Variants in CORIN observed in about 807,000 individuals in gnomAD.
The protein encoded by CORIN is atrial natriuretic peptide-converting enzyme.
In CORIN, 117 loss-of-function variants were observed where a neutral mutation model predicts 125.3. The observed-to-expected ratio is 0.93, with a 90% CI of 0.80 to 1.09. CORIN has a LOEUF of 1.09. CORIN is among the 50% of genes least tolerant of loss of function. CORIN has a pLI of 0.00. For synonymous variants in CORIN, 450 were observed against 466.4 expected, an observed-to-expected ratio of 0.96 and a Z score of 0.45; for missense variants, 1,253 against 1,306.7, an observed-to-expected ratio of 0.96 and a Z score of 0.63.
intron 5 of CORIN, among the ~76,000 whole-genome samples, chr4:47,734,288 T>C (rs1040302357): frequency 6.6e-6 from 1 of 152,214 alleles, no homozygotes; most frequent in African/African-American, 2.4e-5. Context: ...GGGCAAATGA[T>C]TTCACAAGTT....
intron 5 of CORIN, among the ~76,000 whole-genome samples, chr4:47,701,119 A>G (rs1250886726): frequency 6.6e-6 from 1 of 152,218 alleles, no homozygotes; most frequent in African/African-American, 2.4e-5. Context: ...CTTAACATCA[A>G]TATTCTAAAA....
chr4:47,606,389 G>A (rs1433297041), intron 19 of CORIN, among the ~76,000 whole-genome samples: 4 of 152,054 alleles, frequency 2.6e-5, no homozygotes, highest in Non-Finnish European at 5.9e-5. Context: ...CCAAGTAGCT[G>A]AGACTACAGA....
At chr4:47,608,308 A>G (rs1327734908) in intron 19 of CORIN, among the ~76,000 whole-genome samples, 1 of 152,210 alleles carries the variant, frequency 6.6e-6, no homozygotes, top group African/African-American at 2.4e-5. Context: ...TGACAAGAGC[A>G]AAACTCCATC....
chr4:47,778,504 T>A (rs1455776163), intron 3 of CORIN, among the ~76,000 whole-genome samples: 1 of 152,018 alleles, frequency 6.6e-6, no homozygotes, highest in Non-Finnish European at 1.5e-5. Flanking sequence ...CATCTAAAGA[T>A]GGAATGAGGA....
intron 19 of CORIN, among the ~76,000 whole-genome samples, chr4:47,604,386 A>G (rs1242349303): frequency 2.0e-5 from 3 of 152,048 alleles, no homozygotes; most frequent in South Asian, 2.1e-4. Flanking sequence ...ATCTAGTCCA[A>G]TGGTTTTAAA....
intron 5 of CORIN, among the ~76,000 whole-genome samples, chr4:47,695,332 T>G (rs1334749773): frequency 6.6e-6 from 1 of 152,248 alleles, no homozygotes; most frequent in Non-Finnish European, 1.5e-5. Flanking sequence ...TTTCAGCAGC[T>G]GCAATGCCTC....
intron 5 of CORIN, among the ~76,000 whole-genome samples, chr4:47,697,270 A>G (rs1373614988): frequency 6.6e-6 from 1 of 152,128 alleles, no homozygotes; most frequent in Non-Finnish European, 1.5e-5. Context: ...GAAAGGGGAG[A>G]GAAAATCTAA....
chr4:47,603,642 A>G lies in CORIN; in HGVS notation c.2567T>C (p.Val856Ala). 6.2e-7 allele frequency: 1 copy of G among 1,613,932 alleles called. No homozygotes were observed. Among genetic ancestry groups the G allele is most frequent in the South Asian group, 1.1e-5 (1 of 91,072 alleles). ...GTCTAGATTGTTGATGCCAAGCACC[A>G]CTTTCCAAACTGCAGCATTCTCTCT... ...EGRENAAVWK[V>A]VLGINNLDHP... Residue 856 changes from valine (V) to alanine (A), a missense_variant, in exon 20 of 22, where the codon GTG (valine) becomes GCG (alanine). Physicochemically the swap from Val to Ala is moderately conservative, Grantham distance 64. Transcript: ENST00000273857.
intron 2 of CORIN, among the ~76,000 whole-genome samples, chr4:47,803,024 C>T (rs1428046143): frequency 6.6e-6 from 1 of 152,194 alleles, no homozygotes; most frequent in African/African-American, 2.4e-5. Context: ...AAGGCAGTAC[C>T]TTTCTCTAGA....
chr4:47,655,071 C>G (rs77315097), intron 12 of CORIN, among the ~76,000 whole-genome samples: 7,815 of 152,116 alleles, frequency 0.051, 280 homozygotes, highest in Non-Finnish European at 0.072. Flanking sequence ...TATCTTCAAC[C>G]AAAAGGGAAC....
At chr4:47,677,236 G>A (rs1214829999) in intron 9 of CORIN, among the ~76,000 whole-genome samples, 1 of 152,136 alleles carries the variant, frequency 6.6e-6, no homozygotes, top group Non-Finnish European at 1.5e-5. Context: ...TAAGTATCTT[G>A]CCAAAAGTCA....
chr4:47,673,244 T>A (rs1238774272), intron 10 of CORIN, among the ~76,000 whole-genome samples: 2 of 151,350 alleles, frequency 1.3e-5, no homozygotes, highest in Non-Finnish European at 2.9e-5. Flanking sequence ...GGTGTGGTGG[T>A]GTGTGCCTAT....
intron 1 of CORIN, among the ~76,000 whole-genome samples, chr4:47,828,331 C>A (rs377670185): frequency 8.7e-4 from 133 of 152,302 alleles, no homozygotes; most frequent in African/African-American, 3.1e-3. Flanking sequence ...TCCAGAAAAA[C>A]CAAACTTTGA....
intron 9 of CORIN, 80 bp from the exon 10 acceptor site, chr4:47,674,580 T>C: frequency 1.2e-6 from 1 of 869,082 alleles, no homozygotes; most frequent in Middle Eastern, 2.2e-4. Flanking sequence ...CAGGAATGTC[T>C]GATGGAGCTG....
chr4:47,686,716 A>G (rs1725532389), intron 6 of CORIN, among the ~76,000 whole-genome samples: 1 of 152,182 alleles, frequency 6.6e-6, no homozygotes, highest in Non-Finnish European at 1.5e-5. Context: ...ATAGCCCGGG[A>G]AATAAGGCTT....
intron 5 of CORIN, among the ~76,000 whole-genome samples, chr4:47,740,234 A>T (rs1438986021): frequency 1.3e-5 from 2 of 151,936 alleles, no homozygotes; most frequent in Non-Finnish European, 1.5e-5. Flanking sequence ...TTAGGTGCCT[A>T]TGTGTTTACA....
In CORIN at chr4:47,786,836, T is replaced by C. The variant is rs1392744345; in HGVS notation, c.298A>G (p.Asn100Asp). 6 of 1,613,898 alleles carry C rather than the reference T, an allele frequency of 3.7e-6. No homozygotes were observed. The East Asian group carries it at 1.3e-4, about 36-fold the overall frequency. The change falls in exon 3 of 22, where the codon AAT becomes GAT. Residue 100 changes from asparagine (N) to aspartate (D), a missense_variant. Transcript: ENST00000273857. ...EIQGSDVILT[N>D]TIYNQSTVVS... ...ACAGTGCTCTGGTTATAAATTGTAT[T>C]TGTAAGAATAACATCGGACCCTTGG... is the stretch of plus-strand genomic sequence containing the variant.
Position 47,665,038 on chromosome 4 carries a change from G to A in CORIN, c.1583C>T (p.Pro528Leu), listed in dbSNP as rs200022892. Residue 528 changes from proline to leucine, a missense_variant, in exon 11 of 22, where the codon CCT becomes CTT. Coordinates refer to ENST00000273857, the MANE Select transcript of CORIN (RefSeq NM_006587.4). Reference sequence around the variant, plus strand: ...GTAGATCCCATCATATTACCTGCAAGGAGGGATATGCTCGCCTGTATTCAC... The same window carrying A: ...GTAGATCCCATCATATTACCTGCAAAGAGGGATATGCTCGCCTGTATTCAC... ...CDVNTGEHIP[P>L]CRALCEHSKE... 2.0e-5 allele frequency: 32 copies of A among 1,600,384 alleles called. No individual in the cohort carries two copies. In the African/African-American group the frequency reaches 4.0e-4, roughly 20 times the overall value.
chr4:47,747,266 T>C (rs1728703865), intron 4 of CORIN, among the ~76,000 whole-genome samples: 1 of 152,124 alleles, frequency 6.6e-6, no homozygotes, highest in African/African-American at 2.4e-5. Context: ...GAATAATGCA[T>C]AATAATAGAT....
Sources: gnomAD v4.1 joint callset for allele counts (sites outside exome capture counted in the v4.1 genomes callset) on GRCh38, gnomAD v4.1.1 for gene constraint, MANE v1.5 for transcripts, NCBI Gene and HGNC (gene_info 2026-07-23, HGNC 2026-07-21) for gene names.